The following SLC4A1 variants were observed in gnomAD, a reference collection of about 807,000 sequenced individuals.
SLC4A1 encodes solute carrier family 4 member 1 (Diego blood group), also known as band 3 anion transport protein.
Under a neutral mutation model 93.1 loss-of-function variants are expected in SLC4A1, and 29 were observed. The observed-to-expected ratio is 0.31, with a 90% CI of 0.23 to 0.42. The LOEUF is 0.42. Ranked by LOEUF, SLC4A1 falls within the 20% of genes least tolerant of loss-of-function variation. The probability of loss-of-function intolerance (pLI) is 1.00; values close to 1 mark genes in which losing one functional copy is unlikely to be tolerated. For synonymous variants in SLC4A1, 469 were observed against 497.2 expected (o/e 0.94, Z 0.76); for missense variants, 965 against 1,190.1 (o/e 0.81, Z 2.78).
At chr17:44,264,433 GGGTGA>G (rs2047478237) in intron 1 of SLC4A1, among the ~76,000 whole-genome samples, 1 of 152,184 alleles carries the variant, frequency 6.6e-6, no homozygotes, top group African/African-American at 2.4e-5. Context: ...ACTCCAGCCT[GGGTGA>G]CAGAGTGAGA....
intron 16 of SLC4A1, 39 bp downstream of exon 16, chr17:44,254,457 T>TTCCC: frequency 1.6e-6 from 2 of 1,282,734 alleles, no homozygotes; most frequent in Non-Finnish European, 2.2e-6. Context: ...GGTCCCTGCC[T>TTCCC]CCCACCCTCC....
At position 44,259,608 on chromosome 17, in the gene SLC4A1, GTCC is replaced by G. The variant is rs766039621; in HGVS notation, c.610-30_610-28del. 112 of 1,587,298 alleles carry G rather than the reference GTCC, an allele frequency of 7.1e-5. 1 individual carries two copies. The East Asian group carries it at 2.5e-3, about 35-fold the overall frequency. On this transcript the variant is annotated intron_variant, in intron 7 of 19. Coordinates refer to ENST00000262418, the MANE Select transcript of SLC4A1 (RefSeq NM_000342.4). ...TGTGGGAAGGAGGGTGGTGACGGGA[GTCC>G]TCGGGCCAGTCTGACCTGGGAGACC...
chr17:44,264,268 G>A (rs779172714), intron 1 of SLC4A1, among the ~76,000 whole-genome samples: 11 of 152,092 alleles, frequency 7.2e-5, no homozygotes, highest in African/African-American at 2.2e-4. Flanking sequence ...GAGACCAACT[G>A]GGCAACATAG....
chr17:44,255,382 C>T (rs1161878476), intron 14 of SLC4A1, 86 bp from the exon 15 acceptor site: 24 of 1,010,796 alleles, frequency 2.4e-5, no homozygotes, highest in Admixed American at 4.0e-5. Flanking sequence ...ACCCACGGGG[C>T]CCTGCTCTTC....
intron 7 of SLC4A1, 68 bp from the exon 8 acceptor site, chr17:44,259,649 C>T: frequency 1.3e-6 from 2 of 1,514,762 alleles, no homozygotes; most frequent in Non-Finnish European, 1.8e-6. Flanking sequence ...AGCATCCTCC[C>T]CTTCCCATTC....
At chr17:44,250,621 G>A (rs2144595077) in intron 19 of SLC4A1, 83 bp from the exon 20 acceptor site, 2 of 1,010,216 alleles carry the variant, frequency 2.0e-6, no homozygotes, top group Non-Finnish European at 3.1e-6. Flanking sequence ...GGCACCTCTG[G>A]AGTTAGGAGA....
rs1179815317 is a variant in SLC4A1, at chr17:44,257,914, T to A, written c.1282+72A>T. The A allele has an allele frequency of 5.0e-6, 8 of 1,606,438 alleles. No individual in the cohort carries two copies. In the African/African-American group the frequency reaches 1.1e-4, roughly 22 times the overall value. ...CAGGGGTCTGGAGGGTCAGACAGAG[T>A]CAGAAGTTGGGGCTGAGACAGAGGC... On this transcript the variant is annotated intron_variant, in intron 11 of 19. Transcript: ENST00000262418.
Position 44,254,476 on chromosome 17 carries a change from G to GC in SLC4A1, c.2057+19dup. The GC allele has an allele frequency of 1.5e-6, 1 of 676,678 alleles. No homozygotes were observed. Among genetic ancestry groups the GC allele is most frequent in the Non-Finnish European group, 2.6e-6 (1 of 379,258 alleles). The allele number at this position is 676,678 out of a possible 1,614,324, so 41.9% of individuals were successfully genotyped here. A position where few individuals can be genotyped will look rare whatever the true frequency, so the allele number is the denominator to read the frequency against. On this transcript the variant is annotated intron_variant, in intron 16 of 19. Transcript: ENST00000262418. Reference sequence around the variant, plus strand: ...CCTGCCTCCCACCCTCCCAGGCCCAGCCCCCACCCTGTCTCTCACGTGGTG... The same window carrying GC: ...CCTGCCTCCCACCCTCCCAGGCCCAGCCCCCCACCCTGTCTCTCACGTGGTG...
chr17:44,254,043 C>T lies in SLC4A1; in HGVS notation c.2057+453G>A, dbSNP rs181124911. 2.4e-3 allele frequency among the ~76,000 whole-genome samples: 286 copies of T among 121,616 alleles called. No homozygotes were observed. In the Middle Eastern group the frequency reaches 0.024, roughly 10 times the overall value. The allele number at this position is 121,616 out of a possible 152,430, so 79.8% of individuals were successfully genotyped here. On this transcript the variant is annotated intron_variant, in intron 16 of 19. Coordinates refer to ENST00000262418, the MANE Select transcript of SLC4A1 (RefSeq NM_000342.4). ...AAGTTGGAGTGCAATGGCGAGATCT[C>T]GGCTCACTGCAACCTCCGCCTCCCG... is the stretch of plus-strand genomic sequence containing the variant.
At chr17:44,251,643 G>C (rs2047341092) in intron 17 of SLC4A1, 55 bp from the exon 18 acceptor site, 11 of 1,561,196 alleles carry the variant, frequency 7.0e-6, no homozygotes, top group Non-Finnish European at 9.7e-6. Context: ...GGCACCAGTG[G>C]GGGGTCAGGC....
chr17:44,254,485 C>A lies in SLC4A1; in HGVS notation c.2057+11G>T. The A allele has an allele frequency of 1.2e-6, 2 of 1,607,790 alleles. No homozygotes were observed. Among genetic ancestry groups the A allele is most frequent in the South Asian group, 1.1e-5 (1 of 90,906 alleles). ...CACCCTCCCAGGCCCAGCCCCCACC[C>A]TGTCTCTCACGTGGTGATCTGAGAC... On this transcript the variant is annotated intron_variant, in intron 16 of 19. Transcript: ENST00000262418.
At chr17:44,263,700 CCCTTCCCT>C (rs2047468095) in intron 1 of SLC4A1, among the ~76,000 whole-genome samples, 1 of 87,490 alleles carries the variant, frequency 1.1e-5, no homozygotes, top group African/African-American at 4.8e-5. Flanking sequence ...CTCCTTCCCT[CCCTTCCCT>C]CCTTCCTTCC....
rs377687300 is a variant in SLC4A1 at position 44,255,178 on chromosome 17, A to G, written c.1890+29T>C. On this transcript the variant is annotated intron_variant, in intron 15 of 19. Coordinates refer to ENST00000262418, the MANE Select transcript of SLC4A1 (RefSeq NM_000342.4). ...TGGAAATGAGGACCTGGGGGGTATC[A>G]TGGTCTGAGGGCTGGGAGGAGGGGT... The G allele has an allele frequency of 4.0e-6, 6 of 1,496,418 alleles. No homozygotes were observed. The African/African-American group carries it at 5.6e-5, about 14-fold the overall frequency. The allele number at this position is 1,496,418 out of a possible 1,614,324, so 92.7% of individuals were successfully genotyped here. A position where few individuals can be genotyped will look rare whatever the true frequency, so the allele number is the denominator to read the frequency against.
rs199535281 is a variant in SLC4A1, at chr17:44,260,746, G to A, written c.238C>T (p.Arg80Cys). Residue 80 changes from arginine to cysteine, a missense_variant, in exon 5 of 20, where the codon CGC becomes TGC. Transcript: ENST00000262418. Reference sequence around the variant, plus strand: ...AGGTTCTCCTCCAGTTGCACCCAGCGCGCCGCCTCCATCCATCTCAGCTCC... The same window carrying A: ...AGGTTCTCCTCCAGTTGCACCCAGCACGCCGCCTCCATCCATCTCAGCTCC... ...NQELRWMEAA[R>C]WVQLEENLGE... 23 of 1,613,974 alleles carry A rather than the reference G, an allele frequency of 1.4e-5. No individual in the cohort carries two copies. Among genetic ancestry groups the A allele is most frequent in the African/African-American group, 2.7e-5 (2 of 74,912 alleles).
At chr17:44,251,046 C>T in intron 19 of SLC4A1, 113 bp downstream of exon 19, 3 of 1,201,242 alleles carry the variant, frequency 2.5e-6, no homozygotes, top group Non-Finnish European at 3.6e-6. Flanking sequence ...AGAACCTGGA[C>T]ACCAGCCCTA....
At chr17:44,263,992 C>G (rs1029079948) in intron 1 of SLC4A1, among the ~76,000 whole-genome samples, 1 of 151,896 alleles carries the variant, frequency 6.6e-6, no homozygotes, top group Non-Finnish European at 1.5e-5. Context: ...GTGTGGGCTG[C>G]TGATTTCTTT....
intron 16 of SLC4A1, among the ~76,000 whole-genome samples, chr17:44,253,917 G>A (rs1042776693): frequency 2.0e-5 from 3 of 149,086 alleles, no homozygotes; most frequent in African/African-American, 5.0e-5. Context: ...TGATCCCCCC[G>A]TCTTGGCTTC....
chr17:44,260,698 G>T lies in SLC4A1; in HGVS notation c.286C>A (p.Arg96Ser), dbSNP rs538778224. The T allele has an allele frequency of 3.7e-6, 6 of 1,614,018 alleles. No individual in the cohort carries two copies. The highest frequency in any genetic ancestry group is 5.1e-6 in the Non-Finnish European group (6 of 1,180,026). Residue 96 changes from arginine (R) to serine (S), a missense_variant, in exon 5 of 20, where the codon CGC becomes AGC. Arg to Ser is a moderately radical substitution (Grantham distance 110). Transcript: ENST00000262418. ...AAGGTGAGGTGAGAGAGGTGCGGGC[G>T]GCCCCAGGCCCCATTCTCCCCCAGG... ...ENLGENGAWG[R>S]PHLSHLTFWS... is the part of the protein sequence containing the mutation.
At chr17:44,264,672 C>T (rs45600339) in intron 1 of SLC4A1, among the ~76,000 whole-genome samples, 1,529 of 152,212 alleles carry the variant, frequency 0.01, 26 homozygotes, top group African/African-American at 0.035. Context: ...CTCCCTATTG[C>T]GGGGTTGGGG....
Sources: gnomAD v4.1 joint callset for allele counts (sites outside exome capture counted in the v4.1 genomes callset) on GRCh38, gnomAD v4.1.1 for gene constraint, MANE v1.5 for transcripts, NCBI Gene and HGNC (gene_info 2026-07-23, HGNC 2026-07-21) for gene names.